The following CYRIA variants were observed in gnomAD, a reference collection of about 807,000 sequenced individuals.
The protein encoded by CYRIA is CYFIP related Rac1 interactor A.
A neutral mutation model predicts 43.9 loss-of-function variants in CYRIA; 15 were observed. The observed-to-expected ratio is 0.34, with a 90% confidence interval of 0.23 to 0.53. CYRIA has a LOEUF of 0.53. Among genes scored for constraint, CYRIA ranks in the 20% least tolerant of loss-of-function variants. CYRIA has a pLI of 0.94. For synonymous variants in CYRIA, 117 were observed against 136.0 expected (o/e 0.86, Z 0.97); for missense variants, 236 against 394.2 (o/e 0.60, Z 3.40).
At chr2:16,615,825 C>T (rs115370135) in intron 2 of CYRIA, among the ~76,000 whole-genome samples, 1,772 of 152,346 alleles carry the variant, frequency 0.012, 36 homozygotes, top group African/African-American at 0.039. Context: ...AGGCAGCTGG[C>T]CTTTCTGAAC....
At chr2:16,576,769 T>G (rs559786472) in intron 3 of CYRIA, among the ~76,000 whole-genome samples, 1 of 152,144 alleles carries the variant, frequency 6.6e-6, no homozygotes, top group African/African-American at 2.4e-5. Context: ...TTGAGTTGTT[T>G]CCATTTAAAA....
chr2:16,565,416 C>T (rs1215245810), intron 4 of CYRIA, among the ~76,000 whole-genome samples: 1 of 152,150 alleles, frequency 6.6e-6, no homozygotes, highest in Non-Finnish European at 1.5e-5. Flanking sequence ...GAACTCCTGA[C>T]CTCAGGTGAT....
At chr2:16,624,452 AT>A (rs1296102256) in intron 1 of CYRIA, among the ~76,000 whole-genome samples, 3 of 152,226 alleles carry the variant, frequency 2.0e-5, no homozygotes, top group Admixed American at 2.0e-4. Flanking sequence ...TGGGAGCTAA[AT>A]TAGTAAAACA....
intron 5 of CYRIA, 149 bp from the exon 6 acceptor site, chr2:16,562,290 G>T: frequency 2.4e-6 from 2 of 827,130 alleles, no homozygotes; most frequent in Non-Finnish European, 3.5e-6. Flanking sequence ...ATGTGGACGA[G>T]GAAGAGAAGG....
intron 10 of CYRIA, 99 bp from the exon 11 acceptor site, chr2:16,555,238 T>C (rs1324569723): frequency 1.7e-6 from 2 of 1,145,088 alleles, no homozygotes; most frequent in Non-Finnish European, 2.5e-6. Flanking sequence ...ACATTATATC[T>C]TCCCATAGAA....
intron 2 of CYRIA, among the ~76,000 whole-genome samples, chr2:16,618,016 C>T (rs1245979376): frequency 6.6e-6 from 1 of 152,188 alleles, no homozygotes; most frequent in Non-Finnish European, 1.5e-5. Flanking sequence ...TTTAAATCTG[C>T]ATCCTTGTTG....
At chr2:16,580,281 A>G (rs1202088544) in intron 3 of CYRIA, among the ~76,000 whole-genome samples, 1 of 152,110 alleles carries the variant, frequency 6.6e-6, no homozygotes, top group Non-Finnish European at 1.5e-5. Flanking sequence ...AAAAGCTAGG[A>G]CCAGCTATAT....
intron 1 of CYRIA, among the ~76,000 whole-genome samples, chr2:16,664,510 T>C (rs867704710): frequency 6.6e-6 from 1 of 152,030 alleles, no homozygotes; most frequent in Non-Finnish European, 1.5e-5. Context: ...CTGCCTCCTG[T>C]CTCCACTGCA....
intron 2 of CYRIA, among the ~76,000 whole-genome samples, chr2:16,601,080 T>G (rs777870465): frequency 6.6e-6 from 1 of 152,142 alleles, no homozygotes; most frequent in Non-Finnish European, 1.5e-5. Context: ...TCATTTTTTC[T>G]GGGGAGACAG....
chr2:16,655,060 GC>G (rs1670073658), intron 1 of CYRIA, among the ~76,000 whole-genome samples: 1 of 152,162 alleles, frequency 6.6e-6, no homozygotes, highest in Non-Finnish European at 1.5e-5. Flanking sequence ...GAGGGACGAG[GC>G]CTTGACACAC....
intron 2 of CYRIA, among the ~76,000 whole-genome samples, chr2:16,593,029 C>T (rs142771208): frequency 3.7e-4 from 57 of 152,184 alleles, no homozygotes; most frequent in East Asian, 3.9e-4. Context: ...CACAACAGTA[C>T]GATAATAGTA....
intron 1 of CYRIA, among the ~76,000 whole-genome samples, chr2:16,644,532 T>C (rs1052027437): frequency 6.6e-6 from 1 of 152,214 alleles, no homozygotes; most frequent in African/African-American, 2.4e-5. Flanking sequence ...TCTGTCACAC[T>C]GTTGCTGGGG....
chr2:16,587,532 A>G (rs1185451031), intron 3 of CYRIA, among the ~76,000 whole-genome samples: 8 of 152,072 alleles, frequency 5.3e-5, no homozygotes, highest in Non-Finnish European at 8.8e-5. Flanking sequence ...TTAGGGAAAA[A>G]GGAAGGAAAA....
chr2:16,603,420 G>A (rs927524604), intron 2 of CYRIA, among the ~76,000 whole-genome samples: 1 of 152,168 alleles, frequency 6.6e-6, no homozygotes, highest in East Asian at 1.9e-4. Flanking sequence ...CATCTCACCA[G>A]TGACAGATCA....
chr2:16,578,428 C>T (rs551616788), intron 3 of CYRIA, among the ~76,000 whole-genome samples: 1 of 152,128 alleles, frequency 6.6e-6, no homozygotes, highest in African/African-American at 2.4e-5. Flanking sequence ...TAGAGATAGT[C>T]CAGAGGTTGA....
intron 3 of CYRIA, among the ~76,000 whole-genome samples, chr2:16,574,717 T>A (rs1572470433): frequency 6.6e-6 from 1 of 152,140 alleles, no homozygotes; most frequent in Non-Finnish European, 1.5e-5. Flanking sequence ...AGTCTGCAGG[T>A]ACACAGAAAT....
intron 1 of CYRIA, among the ~76,000 whole-genome samples, chr2:16,627,840 A>G (rs1356146607): frequency 2.0e-5 from 3 of 152,168 alleles, no homozygotes; most frequent in Non-Finnish European, 2.9e-5. Context: ...ACACCAGTAA[A>G]TGACATCCTG....
chr2:16,639,028 T>A (rs1483501101), intron 1 of CYRIA, among the ~76,000 whole-genome samples: 5 of 152,244 alleles, frequency 3.3e-5, no homozygotes, highest in Admixed American at 6.5e-5. Context: ...CAAGGCTGCA[T>A]ACAGAAAATC....
chr2:16,660,427 A>G (rs1439845680), intron 1 of CYRIA, among the ~76,000 whole-genome samples: 6 of 152,144 alleles, frequency 3.9e-5, no homozygotes, highest in Non-Finnish European at 7.3e-5. Context: ...AATTGACTCT[A>G]TTGAAGTAAG....
Sources: gnomAD v4.1 joint callset for allele counts (sites outside exome capture counted in the v4.1 genomes callset) on GRCh38, gnomAD v4.1.1 for gene constraint, MANE v1.5 for transcripts, NCBI Gene and HGNC (gene_info 2026-07-23, HGNC 2026-07-21) for gene names.